CCNY: variants seen among roughly 807,000 people sequenced by gnomAD.
The protein encoded by CCNY is cyclin-Y.
In CCNY, 19 loss-of-function variants were observed where a neutral mutation model predicts 42.8. The observed-to-expected ratio is 0.44, with a 90% CI of 0.31 to 0.65. The LOEUF is 0.65. Ranked by LOEUF, CCNY falls within the 30% of genes least tolerant of loss-of-function variation. The pLI is 0.07. For synonymous variants in CCNY, 165 were observed against 162.7 expected (o/e 1.01, Z -0.11); for missense variants, 370 against 437.3 (o/e 0.85, Z 1.37).
In CCNY at chr10:35,409,062, T is replaced by A. The variant is rs567250484; in HGVS notation, c.154+71855T>A. Among the ~76,000 whole-genome samples, 4 of 152,304 alleles carry A rather than the reference T, an allele frequency of 2.6e-5. No individual in the cohort carries two copies. In the South Asian group the frequency reaches 8.3e-4, roughly 32 times the overall value. On this transcript the variant is annotated intron_variant, in intron 1 of 9. Coordinates refer to ENST00000374704, the MANE Select transcript of CCNY (RefSeq NM_145012.6). ...TTTACCCTATGTAATAGCTTATTAC[T>A]GGGCAAAGAAATGAAGTACATTAAG...
At chr10:35,275,530 G>A (rs1018855526) in intron 3 of CCNY, among the ~76,000 whole-genome samples, 3 of 151,564 alleles carry the variant, frequency 2.0e-5, no homozygotes, top group South Asian at 4.2e-4. Context: ...TTGGGAGGCC[G>A]AGGCAGGCTG....
At chr10:35,363,435 G>T (rs1415417439) in intron 1 of CCNY, among the ~76,000 whole-genome samples, 1 of 151,742 alleles carries the variant, frequency 6.6e-6, no homozygotes, top group Non-Finnish European at 1.5e-5. Context: ...TGGGGCTGCC[G>T]GGCAGAGGTG....
At chr10:35,410,086 AG>A (rs1341375055) in intron 1 of CCNY, among the ~76,000 whole-genome samples, 2 of 152,204 alleles carry the variant, frequency 1.3e-5, no homozygotes, top group African/African-American at 4.8e-5. Context: ...AGAAAAGCAA[AG>A]GAAGGAAAAA....
intron 3 of CCNY, among the ~76,000 whole-genome samples, chr10:35,506,738 C>T (rs1486009758): frequency 1.3e-5 from 2 of 152,142 alleles, no homozygotes; most frequent in African/African-American, 2.4e-5. Flanking sequence ...ACACAAGTGA[C>T]GGGGCCACTG....
In CCNY at chr10:35,341,136, C is replaced by T. The variant is rs144455891; in HGVS notation, c.154+3929C>T. 3.7e-3 allele frequency among the ~76,000 whole-genome samples: 568 copies of T among 152,340 alleles called. 5 individuals are homozygous for T. Among genetic ancestry groups the T allele is most frequent in the African/African-American group, 0.013 (540 of 41,570 alleles). ...ACAAGTAAAAGCCTTACAGTGGTCG[C>T]TGGGGCCCCTTGGGATCTGCCTGCC... On this transcript the variant is annotated intron_variant, in intron 1 of 9. Coordinates refer to ENST00000374704, the MANE Select transcript of CCNY (RefSeq NM_145012.6).
chr10:35,412,936 G>A (rs1354610469), intron 1 of CCNY, among the ~76,000 whole-genome samples: 1 of 151,534 alleles, frequency 6.6e-6, no homozygotes, highest in African/African-American at 2.4e-5. Context: ...TTGGGTTGGG[G>A]ATGGCATAAT....
chr10:35,381,969 GT>G (rs1357964799), intron 1 of CCNY, among the ~76,000 whole-genome samples: 4 of 152,098 alleles, frequency 2.6e-5, no homozygotes, highest in African/African-American at 9.7e-5. Context: ...TAAGACAGTT[GT>G]TTTAAAACTA....
At chr10:35,312,064 G>T (rs1002528582) in intron 3 of CCNY, among the ~76,000 whole-genome samples, 5 of 151,934 alleles carry the variant, frequency 3.3e-5, no homozygotes, top group African/African-American at 9.7e-5. Context: ...TTGACTAAGG[G>T]TTTAGTAAAG....
chr10:35,348,481 T>C (rs1836355743), intron 1 of CCNY, among the ~76,000 whole-genome samples: 1 of 152,224 alleles, frequency 6.6e-6, no homozygotes, highest in Non-Finnish European at 1.5e-5. Flanking sequence ...CACACTTGGC[T>C]GTTGGTTGAG....
chr10:35,279,839 G>A (rs766678633), intron 3 of CCNY, among the ~76,000 whole-genome samples: 71 of 152,330 alleles, frequency 4.7e-4, no homozygotes, highest in Non-Finnish European at 6.3e-4. Flanking sequence ...GATCAAGTTT[G>A]AAAGATCACA....
intron 7 of CCNY, among the ~76,000 whole-genome samples, chr10:35,541,143 T>A (rs1840992526): frequency 6.6e-6 from 1 of 152,122 alleles, no homozygotes; most frequent in Admixed American, 6.5e-5. Flanking sequence ...TCTACAGTTA[T>A]GAATTTCTAA....
intron 3 of CCNY, among the ~76,000 whole-genome samples, chr10:35,305,034 A>G (rs1835590322): frequency 2.0e-5 from 3 of 152,224 alleles, no homozygotes; most frequent in Admixed American, 2.0e-4. Context: ...AAAAATCCAC[A>G]GGAACAATTC....
intron 3 of CCNY, among the ~76,000 whole-genome samples, chr10:35,252,987 A>G (rs1279513934): frequency 6.6e-6 from 1 of 152,206 alleles, no homozygotes; most frequent in Admixed American, 6.6e-5. Context: ...TTACCACTAC[A>G]AAACCATCGA....
chr10:35,501,435 T>G, intron 2 of CCNY, 66 bp from the exon 3 acceptor site: 1 of 1,390,280 alleles, frequency 7.2e-7, no homozygotes, highest in East Asian at 2.3e-5. Context: ...GGCCCAGTCC[T>G]CATCCACCTG....
intron 3 of CCNY, among the ~76,000 whole-genome samples, chr10:35,286,879 C>T (rs1045758388): frequency 3.3e-5 from 5 of 151,850 alleles, no homozygotes; most frequent in Admixed American, 2.0e-4. Context: ...AGGCTGGTCT[C>T]GAACTCCTGG....
At chr10:35,500,727 C>T (rs1487951465) in intron 2 of CCNY, among the ~76,000 whole-genome samples, 2 of 152,220 alleles carry the variant, frequency 1.3e-5, no homozygotes, top group Non-Finnish European at 1.5e-5. Context: ...ACAAGCTCTT[C>T]GTGTTCCCTG....
At chr10:35,422,795 A>T (rs1245314704) in intron 1 of CCNY, among the ~76,000 whole-genome samples, 1 of 152,244 alleles carries the variant, frequency 6.6e-6, no homozygotes, top group Non-Finnish European at 1.5e-5. Flanking sequence ...GTTACGTGTT[A>T]GGATGTCTGT....
chr10:35,493,384 C>T (rs1426850434), intron 2 of CCNY, among the ~76,000 whole-genome samples: 1 of 152,178 alleles, frequency 6.6e-6, no homozygotes, highest in African/African-American at 2.4e-5. Flanking sequence ...TAGCCATAAA[C>T]TTACTTTTCA....
chr10:35,551,445 C>T (rs1025052379), intron 7 of CCNY, among the ~76,000 whole-genome samples: 2 of 152,138 alleles, frequency 1.3e-5, no homozygotes, highest in African/African-American at 2.4e-5. Flanking sequence ...ACTTTATGGA[C>T]ATTATATACT....
Sources: gnomAD v4.1 joint callset for allele counts (sites outside exome capture counted in the v4.1 genomes callset) on GRCh38, gnomAD v4.1.1 for gene constraint, MANE v1.5 for transcripts, NCBI Gene and HGNC (gene_info 2026-07-23, HGNC 2026-07-21) for gene names.